The following ZNF678 variants were observed in gnomAD, a reference collection of about 807,000 sequenced individuals.
ZNF678 encodes zinc finger protein 678, also known as hypothetical protein MGC42493.
ZNF678 carries 5 observed loss-of-function variants against 3.0 expected under a neutral mutation model. The ratio of observed to expected loss-of-function variants is 1.69; its 90% confidence interval spans 0.88 to 3.56. The LOEUF (loss-of-function observed/expected upper bound fraction) is 3.56, where lower values mean the gene tolerates loss of function less well. ZNF678 is among the 30% of genes most tolerant of loss of function. The pLI is 0.00. For synonymous variants in ZNF678, 218 were observed against 199.6 expected, an observed-to-expected ratio of 1.09 and a Z score of -0.78; for missense variants, 593 against 605.0, an observed-to-expected ratio of 0.98 and a Z score of 0.21.
chr1:227,667,282 C>T (rs193062369), downstream of ZNF678, among the ~76,000 whole-genome samples: 41 of 152,180 alleles, frequency 2.7e-4, no homozygotes, highest in East Asian at 5.0e-3. Flanking sequence ...GCGATCCGCC[C>T]GCCTTGGCCT....
chr1:227,667,168 C>G (rs1659516890), downstream of ZNF678, among the ~76,000 whole-genome samples: 1 of 151,930 alleles, frequency 6.6e-6, no homozygotes, highest in Non-Finnish European at 1.5e-5. Context: ...CTCAGCCCCC[C>G]AAGTAGCTGG....
rs373437750 is a variant in ZNF678 at position 227,597,382 on chromosome 1, C to G, written c.-164+33658C>G. ...CCATCACGAACGTGTCACAGTGTTG[C>G]AGAGAGTTTATTTTTGGCCAGTTTT... On this transcript the variant is annotated intron_variant, in intron 1 of 3. Transcript: ENST00000343776. 1.1e-4 allele frequency among the ~76,000 whole-genome samples: 17 copies of G among 152,362 alleles called. No individual in the cohort carries two copies. In the East Asian group the frequency reaches 2.9e-3, roughly 26 times the overall value.
chr1:227,660,938 T>C lies in ZNF678; in HGVS notation c.*5110T>C, dbSNP rs1659388423. 1.3e-5 allele frequency: 2 copies of C among 152,216 alleles called. No homozygotes were observed. The highest frequency in any genetic ancestry group is 1.3e-4 in the Admixed American group (2 of 15,280). 9.4% of individuals were successfully genotyped at this position (152,216 alleles called of 1,614,324 possible). On this transcript the variant is annotated 3_prime_UTR_variant, in exon 4 of 4. Coordinates refer to ENST00000343776, the MANE Select transcript of ZNF678 (RefSeq NM_001367909.1). Reference sequence around the variant, plus strand: ...TAATGTTGAATTTTCTAAAATTCTTTTTCTGCATTCACTTAAAAGTTATAA... The same window carrying C: ...TAATGTTGAATTTTCTAAAATTCTTCTTCTGCATTCACTTAAAAGTTATAA...
intron 1 of ZNF678, among the ~76,000 whole-genome samples, chr1:227,578,072 C>T (rs376439981): frequency 6.6e-6 from 1 of 152,186 alleles, no homozygotes; most frequent in African/African-American, 2.4e-5. Context: ...TCCCCAGTCT[C>T]TTCCGGCTTT....
At chr1:227,643,031 G>A (rs1044209997) in intron 1 of ZNF678, among the ~76,000 whole-genome samples, 8 of 152,242 alleles carry the variant, frequency 5.3e-5, no homozygotes, top group African/African-American at 1.9e-4. Context: ...GAAGTATGTG[G>A]CCTGTTTTTT....
intron 1 of ZNF678, among the ~76,000 whole-genome samples, chr1:227,628,524 C>T (rs935853683): frequency 6.6e-6 from 1 of 152,156 alleles, no homozygotes; most frequent in African/African-American, 2.4e-5. Context: ...GCCAAGGAAC[C>T]CTCTTAATTG....
chr1:227,586,193 C>CA (rs1396210563), intron 1 of ZNF678, among the ~76,000 whole-genome samples: 2 of 149,874 alleles, frequency 1.3e-5, no homozygotes, highest in Admixed American at 1.3e-4. Context: ...ACCCCATCTC[C>CA]AAAAAATAAA....
rs1023172960 is a variant in ZNF678 at position 227,608,387 on chromosome 1, A to T, written c.-163-38157A>T. 2.6e-5 allele frequency among the ~76,000 whole-genome samples: 4 copies of T among 152,184 alleles called. No individual in the cohort carries two copies. The East Asian group carries it at 7.7e-4, about 29-fold the overall frequency. ...GTAAATAAATACTCATTTGGGTCAT[A>T]TTCAGTAAAGTAGAGAATGATGTCT... On this transcript the variant is annotated intron_variant, in intron 1 of 3. Transcript: ENST00000343776.
Position 227,655,035 on chromosome 1 carries a change from A to T in ZNF678, c.785A>T (p.Glu262Val). 1 of 1,612,286 alleles carries T rather than the reference A, an allele frequency of 6.2e-7. No individual in the cohort carries two copies. The highest frequency in any genetic ancestry group is 2.2e-5 in the East Asian group (1 of 44,736). Residue 262 changes from glutamate to valine, a missense_variant, in exon 4 of 4, where the codon GAG (glutamate) becomes GTG (valine). Glu to Val is a moderately radical substitution (Grantham distance 121, BLOSUM62 -2). Transcript: ENST00000343776. The part of the protein sequence containing the change: ...LTQHKRIHTG[E>V]KPYKCEECGN... ...CAACATAAGAGAATTCATACTGGAG[A>T]GAAACCTTACAAGTGTGAAGAATGT...
chr1:227,663,837 T>C (rs1659456597), downstream of ZNF678, among the ~76,000 whole-genome samples: 1 of 152,154 alleles, frequency 6.6e-6, no homozygotes, highest in Non-Finnish European at 1.5e-5. Flanking sequence ...TTCAGGTCTT[T>C]GTCCTCGGCC....
chr1:227,637,808 G>A (rs1658717074), intron 1 of ZNF678, among the ~76,000 whole-genome samples: 1 of 152,158 alleles, frequency 6.6e-6, no homozygotes, highest in African/African-American at 2.4e-5. Flanking sequence ...TTCTTGCTTG[G>A]TTTGCGGAGG....
At chr1:227,619,713 G>A (rs999530093) in intron 1 of ZNF678, among the ~76,000 whole-genome samples, 92 of 151,610 alleles carry the variant, frequency 6.1e-4, no homozygotes, top group East Asian at 7.8e-4. Context: ...GGGTTTCACC[G>A]TGTTAGCCAG....
intron 1 of ZNF678, among the ~76,000 whole-genome samples, chr1:227,582,099 T>G (rs566028825): frequency 6.6e-6 from 1 of 152,304 alleles, no homozygotes; most frequent in Admixed American, 6.5e-5. Flanking sequence ...TATATTGCAT[T>G]GTCTACCTTT....
intron 1 of ZNF678, among the ~76,000 whole-genome samples, chr1:227,585,377 T>A (rs1310150507): frequency 2.0e-5 from 3 of 152,196 alleles, no homozygotes; most frequent in Non-Finnish European, 2.9e-5. Context: ...TCTATGAACC[T>A]TAAATGGCTA....
downstream of ZNF678, among the ~76,000 whole-genome samples, chr1:227,678,839 C>T (rs1254651019): frequency 6.6e-6 from 1 of 152,138 alleles, no homozygotes; most frequent in Non-Finnish European, 1.5e-5. Flanking sequence ...TTTTAGGACT[C>T]TTCTGATGGT....
chr1:227,587,374 G>A lies in ZNF678; in HGVS notation c.-164+23650G>A, dbSNP rs537858622. The stretch of plus-strand genomic sequence containing the variant: ...AAAACAAAACAAAAGACATACCCAG[G>A]GCAGTAGCCGTTAAACCACTCCTGC... On this transcript the variant is annotated intron_variant, in intron 1 of 3. Transcript: ENST00000343776. 2.6e-5 allele frequency among the ~76,000 whole-genome samples: 4 copies of A among 152,054 alleles called. No individual in the cohort carries two copies. The South Asian group carries it at 8.3e-4, about 32-fold the overall frequency.
At chr1:227,590,766 C>T (rs1657392430) in intron 1 of ZNF678, among the ~76,000 whole-genome samples, 1 of 151,610 alleles carries the variant, frequency 6.6e-6, no homozygotes, top group Non-Finnish European at 1.5e-5. Flanking sequence ...GGGGGCCGTC[C>T]AGTCCCAGTG....
chr1:227,671,074 C>CTT (rs200510182), intron 5 of ZNF678, among the ~76,000 whole-genome samples: 5 of 120,552 alleles, frequency 4.1e-5, no homozygotes, highest in East Asian at 2.4e-4. Context: ...AGTGGATCAC[C>CTT]TTTTTTTTTT....
rs1194548906 is a variant in ZNF678, at chr1:227,659,672, A to G, written c.*3844A>G. The stretch of plus-strand genomic sequence containing the variant: ...TTTTCTATATAGTTCAGCTAAGTTT[A>G]TGAAAAAGATGCAGACTCAGTATTT... On this transcript the variant is annotated 3_prime_UTR_variant, in exon 4 of 4. Coordinates refer to ENST00000343776, the MANE Select transcript of ZNF678 (RefSeq NM_001367909.1). 2 of 152,170 alleles carry G rather than the reference A, an allele frequency of 1.3e-5. No homozygotes were observed. Among genetic ancestry groups the G allele is most frequent in the Non-Finnish European group, 2.9e-5 (2 of 68,024 alleles). 9.4% of individuals were successfully genotyped at this position (152,170 alleles called of 1,614,324 possible).
Sources: gnomAD v4.1 joint callset for allele counts (sites outside exome capture counted in the v4.1 genomes callset) on GRCh38, gnomAD v4.1.1 for gene constraint, MANE v1.5 for transcripts, NCBI Gene and HGNC (gene_info 2026-07-23, HGNC 2026-07-21) for gene names.